Variants in MTR observed in about 807,000 individuals in gnomAD.
MTR encodes 5-methyltetrahydrofolate-homocysteine methyltransferase.
A neutral mutation model predicts 154.8 loss-of-function variants in MTR; 84 were observed. That is an observed-to-expected ratio of 0.54 (90% CI 0.45 to 0.65). The LOEUF is 0.65. MTR is among the 30% of genes least tolerant of loss of function. The pLI is 0.00. For synonymous variants in MTR, 554 were observed against 553.9 expected (o/e 1.00, Z 0.00); for missense variants, 1,275 against 1,570.2 (o/e 0.81, Z 3.18).
At chr1:236,819,930 G>GT (rs1661823562) in intron 8 of MTR, 1 of 1,035,730 alleles carries the variant, frequency 9.7e-7, no homozygotes, top group Non-Finnish European at 1.5e-6. Flanking sequence ...AGCCACTCCA[G>GT]TTGCTGGCCG....
At chr1:236,799,119 T>C (rs1289493581) in intron 1 of MTR, among the ~76,000 whole-genome samples, 1 of 146,206 alleles carries the variant, frequency 6.8e-6, no homozygotes, top group Admixed American at 6.8e-5. Context: ...GGAAACTATG[T>C]TTTTTTTTTT....
rs991329268 is a variant in MTR, at chr1:236,835,824, C to T, written c.1329+137C>T. On this transcript the variant is annotated intron_variant, in intron 14 of 32. Transcript: ENST00000366577. The stretch of plus-strand genomic sequence containing the variant: ...CTCAACATCGAAAACAGGGTAGTTT[C>T]TGATTGTCAGCTTTCTCAGATACTG... The T allele has an allele frequency of 4.1e-6, 5 of 1,208,144 alleles. No individual in the cohort carries two copies. In the African/African-American group the frequency reaches 6.0e-5, roughly 14 times the overall value. 74.8% of individuals were successfully genotyped at this position (1,208,144 alleles called of 1,614,324 possible).
chr1:236,815,685 C>T (rs770821269), intron 7 of MTR, 22 bp downstream of exon 7: 1 of 1,517,190 alleles, frequency 6.6e-7, no homozygotes, highest in Non-Finnish European at 8.8e-7. Flanking sequence ...AGTGTTTGCA[C>T]AATACATTCT....
chr1:236,877,612 ATGTG>A (rs1338448496), intron 24 of MTR, among the ~76,000 whole-genome samples: 7 of 151,992 alleles, frequency 4.6e-5, no homozygotes, highest in Admixed American at 6.6e-5. Context: ...CCATTGTATA[ATGTG>A]CTGTGACTTA....
intron 25 of MTR, among the ~76,000 whole-genome samples, chr1:236,881,288 T>C (rs1287265824): frequency 1.3e-5 from 2 of 152,216 alleles, no homozygotes; most frequent in Non-Finnish European, 2.9e-5. Flanking sequence ...CAGTGGTTTC[T>C]GCTTCTCTGT....
At chr1:236,801,749 G>A (rs563733935) in intron 1 of MTR, among the ~76,000 whole-genome samples, 6 of 152,172 alleles carry the variant, frequency 3.9e-5, no homozygotes, top group Non-Finnish European at 8.8e-5. Context: ...GAATGGGTTG[G>A]CGTCATTATG....
At chr1:236,858,693 A>T (rs1054038670) in intron 18 of MTR, among the ~76,000 whole-genome samples, 2 of 152,140 alleles carry the variant, frequency 1.3e-5, no homozygotes, top group African/African-American at 4.8e-5. Context: ...GGAGAGAAAA[A>T]GTTTTGAGGT....
Position 236,895,513 on chromosome 1 carries a change from C to A in MTR, c.3561C>A (p.Leu1187=). The change falls in exon 31 of 33, where the codon CTC becomes CTA. Residue 1187 remains leucine, a synonymous_variant. Coordinates refer to ENST00000366577, the MANE Select transcript of MTR (RefSeq NM_000254.3). ...YPSQPDHTEK[L]TMWRLADIEQ... ...GCCAGCCCGACCACACCGAGAAGCT[C>A]ACCATGTGGAGACTCGCAGACATCG... 1.3e-6 allele frequency: 2 copies of A among 1,591,912 alleles called. No individual in the cohort carries two copies. Among genetic ancestry groups the A allele is most frequent in the Non-Finnish European group, 1.7e-6 (2 of 1,168,292 alleles).
chr1:236,844,407 A>G (rs1265140270), intron 15 of MTR, among the ~76,000 whole-genome samples: 1 of 151,652 alleles, frequency 6.6e-6, no homozygotes, highest in African/African-American at 2.4e-5. Context: ...AGGGGAGCAA[A>G]AAAATAGGGT....
chr1:236,862,785 C>A (rs1664620646), intron 21 of MTR, among the ~76,000 whole-genome samples: 1 of 152,176 alleles, frequency 6.6e-6, no homozygotes, highest in African/African-American at 2.4e-5. Context: ...CTTCTGGATT[C>A]AATTTAATTC....
chr1:236,903,434 A>G lies in MTR; in HGVS notation c.*5790A>G, dbSNP rs1667006030. 6.6e-6 allele frequency: 1 copy of G among 152,178 alleles called. No individual in the cohort carries two copies. Among genetic ancestry groups the G allele is most frequent in the Admixed American group, 6.5e-5 (1 of 15,286 alleles). The allele number at this position is 152,178 out of a possible 1,614,324, so 9.4% of individuals were successfully genotyped here. The stretch of plus-strand genomic sequence containing the variant: ...TTTAACACTTGGAATATCTAATTCC[A>G]TTTACACTGCATTCTTCAAATGTAA... On this transcript the variant is annotated 3_prime_UTR_variant, in exon 33 of 33. Coordinates refer to ENST00000366577, the MANE Select transcript of MTR (RefSeq NM_000254.3).
At chr1:236,844,433 A>G (rs997289716) in intron 15 of MTR, among the ~76,000 whole-genome samples, 1 of 149,342 alleles carries the variant, frequency 6.7e-6, no homozygotes, top group Non-Finnish European at 1.5e-5. Flanking sequence ...CCAGGGGGGA[A>G]ATACGAGGTT....
At chr1:236,875,634 G>C (rs1665388107) in intron 24 of MTR, among the ~76,000 whole-genome samples, 1 of 152,020 alleles carries the variant, frequency 6.6e-6, no homozygotes, top group South Asian at 2.1e-4. Flanking sequence ...ATAAAGGTCT[G>C]GTTATAGGTA....
At chr1:236,848,560 A>G (rs559206383) in intron 15 of MTR, among the ~76,000 whole-genome samples, 1 of 152,232 alleles carries the variant, frequency 6.6e-6, no homozygotes, top group East Asian at 1.9e-4. Context: ...CTCAGTCTCA[A>G]CCTTAACCTT....
At chr1:236,875,041 T>C (rs1423267118) in intron 24 of MTR, among the ~76,000 whole-genome samples, 195 bp downstream of exon 24, 1 of 152,242 alleles carries the variant, frequency 6.6e-6, no homozygotes, top group South Asian at 2.1e-4. Context: ...TATAGAAAAC[T>C]TTTTGTGATT....
At chr1:236,880,586 T>G (rs1173047977) in intron 24 of MTR, among the ~76,000 whole-genome samples, 169 bp from the exon 25 acceptor site, 1 of 152,196 alleles carries the variant, frequency 6.6e-6, no homozygotes, top group East Asian at 1.9e-4. Context: ...GAAAAAGTCA[T>G]TCATGTTTTA....
Position 236,901,583 on chromosome 1 carries a change from A to G in MTR, c.*3939A>G, listed in dbSNP as rs1666919149. 1 of 152,204 alleles carries G rather than the reference A, an allele frequency of 6.6e-6. No individual in the cohort carries two copies. 9.4% of individuals were successfully genotyped at this position (152,204 alleles called of 1,614,324 possible). Reference sequence around the variant, plus strand: ...CAAAATACCACAAACTGGTTAGCTTATAGAGAACAGATGTTTATTTCTTAC... The same window carrying G: ...CAAAATACCACAAACTGGTTAGCTTGTAGAGAACAGATGTTTATTTCTTAC... On this transcript the variant is annotated 3_prime_UTR_variant, in exon 33 of 33. Coordinates refer to ENST00000366577, the MANE Select transcript of MTR (RefSeq NM_000254.3).
chr1:236,837,485 C>T (rs924791373), intron 14 of MTR, among the ~76,000 whole-genome samples: 2 of 152,216 alleles, frequency 1.3e-5, no homozygotes, highest in Admixed American at 6.5e-5. Context: ...TATGTCATTA[C>T]TTGTTTAATT....
At chr1:236,816,332 C>T in intron 7 of MTR, 117 bp from the exon 8 acceptor site, 1 of 887,590 alleles carries the variant, frequency 1.1e-6, no homozygotes, top group South Asian at 1.4e-5. Flanking sequence ...TTGAGTTCCA[C>T]ATTTCTTTTC....
Sources: gnomAD v4.1 joint callset for allele counts (sites outside exome capture counted in the v4.1 genomes callset) on GRCh38, gnomAD v4.1.1 for gene constraint, MANE v1.5 for transcripts, NCBI Gene and HGNC (gene_info 2026-07-23, HGNC 2026-07-21) for gene names.